The following EYS variants were observed in gnomAD, a reference collection of about 807,000 sequenced individuals.
The protein encoded by EYS is EGF-like photoreceptor maintenance factor, also known as protein eyes shut homolog.
A neutral mutation model predicts 282.1 loss-of-function variants in EYS; 250 were observed. The ratio of observed to expected loss-of-function variants is 0.89; its 90% CI spans 0.80 to 0.98. The LOEUF (loss-of-function observed/expected upper bound fraction) is 0.98. Ranked by LOEUF, EYS falls within the 50% of genes least tolerant of loss-of-function variation. The pLI is 0.00. For synonymous variants in EYS, 1,355 were observed against 1,282.9 expected, an observed-to-expected ratio of 1.06 and a Z score of -1.20; for missense variants, 4,016 against 3,709.0, an observed-to-expected ratio of 1.08 and a Z score of -2.15.
chr6:65,648,137 A>G (rs778539551), intron 1 of EYS, among the ~76,000 whole-genome samples: 6 of 152,182 alleles, frequency 3.9e-5, no homozygotes, highest in Non-Finnish European at 7.3e-5. Flanking sequence ...TAAAGAATTA[A>G]AAGTAGATCT....
At chr6:64,330,890 A>C (rs890879044) in intron 29 of EYS, among the ~76,000 whole-genome samples, 1 of 152,198 alleles carries the variant, frequency 6.6e-6, no homozygotes, top group Non-Finnish European at 1.5e-5. Flanking sequence ...TGGAGCATGG[A>C]AAGCCCCCAT....
At chr6:63,752,122 T>G (rs1192785920) in intron 41 of EYS, among the ~76,000 whole-genome samples, 1 of 152,202 alleles carries the variant, frequency 6.6e-6, no homozygotes, top group African/African-American at 2.4e-5. Context: ...TTGTCAACTA[T>G]AAATCTAGAA....
At chr6:64,221,044 C>G (rs1766084981) in intron 31 of EYS, among the ~76,000 whole-genome samples, 1 of 152,098 alleles carries the variant, frequency 6.6e-6, no homozygotes, top group Non-Finnish European at 1.5e-5. Context: ...AAACCTTCAA[C>G]TAATAAATTA....
intron 26 of EYS, among the ~76,000 whole-genome samples, chr6:64,456,059 G>T (rs1775549917): frequency 1.3e-5 from 2 of 151,862 alleles, no homozygotes; most frequent in Non-Finnish European, 2.9e-5. Context: ...CATTGCCTTT[G>T]AATTTTCATT....
chr6:64,122,475 T>G (rs1217992170), intron 31 of EYS, among the ~76,000 whole-genome samples: 1 of 152,080 alleles, frequency 6.6e-6, no homozygotes, highest in African/African-American at 2.4e-5. Flanking sequence ...GAATAAACAT[T>G]TTATGGTATT....
intron 22 of EYS, among the ~76,000 whole-genome samples, chr6:64,672,583 C>T (rs1311419391): frequency 1.3e-5 from 2 of 152,074 alleles, no homozygotes; most frequent in South Asian, 2.1e-4. Context: ...ATGTAAATTC[C>T]TCTAAAATAT....
intron 37 of EYS, among the ~76,000 whole-genome samples, chr6:63,798,985 G>GTATATATATATATATATA (rs1211498823): frequency 2.3e-5 from 2 of 87,568 alleles, no homozygotes; most frequent in African/African-American, 5.5e-5. Context: ...ATGTATATGT[G>GTATATATATATATATATA]TGTATATATA....
At chr6:65,654,718 C>A (rs142035367) in intron 1 of EYS, among the ~76,000 whole-genome samples, 1 of 151,374 alleles carries the variant, frequency 6.6e-6, no homozygotes, top group East Asian at 1.9e-4. Context: ...AGTCAAGAAA[C>A]GCTCAATAAA....
At chr6:65,588,189 C>A (rs1562274268) in intron 2 of EYS, among the ~76,000 whole-genome samples, 2 of 151,986 alleles carry the variant, frequency 1.3e-5, no homozygotes, top group Admixed American at 6.6e-5. Flanking sequence ...TGAATAAATT[C>A]TCTTGCCACA....
intron 5 of EYS, among the ~76,000 whole-genome samples, chr6:65,432,942 T>G (rs560616713): frequency 5.3e-5 from 8 of 152,168 alleles, no homozygotes; most frequent in African/African-American, 1.7e-4. Flanking sequence ...TTGTTTGTTT[T>G]TTAACCTTGG....
At chr6:64,994,284 A>G (rs1032401760) in intron 14 of EYS, among the ~76,000 whole-genome samples, 10 of 152,116 alleles carry the variant, frequency 6.6e-5, no homozygotes, top group Admixed American at 4.6e-4. Flanking sequence ...ATTGTTACAA[A>G]TCACTTCCTA....
At chr6:63,819,752 C>A (rs1426890644) in intron 36 of EYS, among the ~76,000 whole-genome samples, 1 of 152,182 alleles carries the variant, frequency 6.6e-6, no homozygotes, top group African/African-American at 2.4e-5. Context: ...TAATGACACA[C>A]TGTATTGATG....
chr6:64,565,040 T>C (rs993613988), intron 26 of EYS, among the ~76,000 whole-genome samples: 15 of 152,172 alleles, frequency 9.9e-5, no homozygotes, highest in African/African-American at 3.1e-4. Flanking sequence ...TTTGACTTTC[T>C]TATGTATTTT....
chr6:65,298,981 A>G (rs1302936151), intron 11 of EYS, among the ~76,000 whole-genome samples: 1 of 152,108 alleles, frequency 6.6e-6, no homozygotes, highest in East Asian at 1.9e-4. Flanking sequence ...TTGTACAAAT[A>G]TATCAGTGGA....
chr6:65,024,811 T>A (rs566311891), intron 13 of EYS, among the ~76,000 whole-genome samples: 3 of 152,230 alleles, frequency 2.0e-5, no homozygotes, highest in Admixed American at 1.3e-4. Flanking sequence ...TGCTTCAAAA[T>A]GATTTTTTTA....
At chr6:65,250,002 G>A (rs1281506279) in intron 12 of EYS, among the ~76,000 whole-genome samples, 2 of 151,946 alleles carry the variant, frequency 1.3e-5, no homozygotes, top group Non-Finnish European at 2.9e-5. Context: ...TCAAGCATTG[G>A]GCCCGGATTT....
intron 30 of EYS, among the ~76,000 whole-genome samples, chr6:64,252,087 T>C (rs887985062): frequency 2.0e-5 from 3 of 152,180 alleles, no homozygotes; most frequent in Admixed American, 1.3e-4. Flanking sequence ...CATTTGAATA[T>C]TTTTCAATGC....
chr6:64,632,889 A>G (rs1767837846), intron 22 of EYS, among the ~76,000 whole-genome samples: 1 of 152,178 alleles, frequency 6.6e-6, no homozygotes, highest in Non-Finnish European at 1.5e-5. Context: ...TTAAAAATAC[A>G]GGTATTTTAA....
chr6:64,463,414 T>C (rs1056821226), intron 26 of EYS, among the ~76,000 whole-genome samples: 1 of 152,220 alleles, frequency 6.6e-6, no homozygotes, highest in African/African-American at 2.4e-5. Context: ...TTATGATATA[T>C]TGAACTACTT....
Sources: gnomAD v4.1 joint callset for allele counts (sites outside exome capture counted in the v4.1 genomes callset) on GRCh38, gnomAD v4.1.1 for gene constraint, MANE v1.5 for transcripts, NCBI Gene and HGNC (gene_info 2026-07-23, HGNC 2026-07-21) for gene names.